Variants in SH3D19 observed in about 807,000 individuals in gnomAD.
SH3D19 encodes SH3 domain-containing protein 19.
In SH3D19, 58 loss-of-function variants were observed where a neutral mutation model predicts 112.1. The observed-to-expected ratio is 0.52, with a 90% confidence interval of 0.42 to 0.64. The LOEUF (loss-of-function observed/expected upper bound fraction) is 0.64, where lower values mean the gene tolerates loss of function less well. SH3D19 is among the 30% of genes least tolerant of loss of function. The pLI is 0.00. For synonymous variants in SH3D19, 391 were observed against 448.5 expected (o/e 0.87, Z 1.62); for missense variants, 1,090 against 1,263.4 (o/e 0.86, Z 2.08).
chr4:151,276,594 C>T (rs1212645637), intron 1 of SH3D19, among the ~76,000 whole-genome samples: 1 of 152,164 alleles, frequency 6.6e-6, no homozygotes, highest in East Asian at 1.9e-4. Context: ...AAACGCATCA[C>T]AGTTCAACTC....
rs140934640 is a variant in SH3D19, at chr4:151,260,166, T to G, written c.113-34080A>C. ...CTGCATAGCAGTGATGTCAGAGCTC[T>G]TAAGGTATCCATCACCCAAATAATG... On this transcript the variant is annotated intron_variant, in intron 1 of 19. Coordinates refer to ENST00000604030, the MANE Select transcript of SH3D19 (RefSeq NM_001378122.1). 4.9e-3 allele frequency among the ~76,000 whole-genome samples: 744 copies of G among 152,372 alleles called. 2 individuals are homozygous for G. Among genetic ancestry groups the G allele is most frequent in the Middle Eastern group, 6.8e-3 (2 of 294 alleles).
At chr4:151,285,535 A>G (rs1774660248) in intron 1 of SH3D19, among the ~76,000 whole-genome samples, 1 of 152,230 alleles carries the variant, frequency 6.6e-6, no homozygotes, top group South Asian at 2.1e-4. Context: ...AAGAAACAAC[A>G]TATCAAATCT....
chr4:151,221,830 T>C (rs960369803), intron 2 of SH3D19, among the ~76,000 whole-genome samples: 5 of 152,318 alleles, frequency 3.3e-5, no homozygotes, highest in Non-Finnish European at 7.3e-5. Flanking sequence ...AATATAACTG[T>C]AAAGACTGGG....
intron 1 of SH3D19, among the ~76,000 whole-genome samples, chr4:151,238,218 TG>T (rs1456167438): frequency 2.8e-4 from 42 of 152,182 alleles, no homozygotes; most frequent in Non-Finnish European, 7.3e-5. Context: ...ATGAATTTTC[TG>T]AGTAGGATGA....
At chr4:151,242,146 C>A (rs1770608478) in intron 1 of SH3D19, among the ~76,000 whole-genome samples, 1 of 151,698 alleles carries the variant, frequency 6.6e-6, no homozygotes, top group Admixed American at 6.6e-5. Context: ...GAGCATACCA[C>A]TGCACTCCAG....
intron 1 of SH3D19, among the ~76,000 whole-genome samples, chr4:151,257,368 G>T (rs934638284): frequency 6.6e-6 from 1 of 152,138 alleles, no homozygotes; most frequent in Non-Finnish European, 1.5e-5. Flanking sequence ...GATTACAGGA[G>T]TGAGTCACCA....
At chr4:151,153,925 C>T (rs7687490) in intron 9 of SH3D19, among the ~76,000 whole-genome samples, 1 of 149,682 alleles carries the variant, frequency 6.7e-6, no homozygotes, top group Non-Finnish European at 1.5e-5. Flanking sequence ...AAGTTGCTTC[C>T]GGACTGCTTA....
intron 14 of SH3D19, among the ~76,000 whole-genome samples, chr4:151,137,318 G>C (rs1205279939): frequency 1.3e-5 from 2 of 151,996 alleles, no homozygotes; most frequent in Non-Finnish European, 2.9e-5. Flanking sequence ...AAAGATGAAA[G>C]AAACTCAAAC....
intron 2 of SH3D19, among the ~76,000 whole-genome samples, chr4:151,201,348 C>T (rs1764364941): frequency 6.6e-6 from 1 of 152,184 alleles, no homozygotes; most frequent in South Asian, 2.1e-4. Flanking sequence ...CCCCTTATTG[C>T]TCCAGCATAA....
chr4:151,164,508 T>G (rs1757656571), intron 8 of SH3D19, among the ~76,000 whole-genome samples: 1 of 152,220 alleles, frequency 6.6e-6, no homozygotes, highest in South Asian at 2.1e-4. Flanking sequence ...AGAATTTCAT[T>G]TGTTATACTA....
intron 1 of SH3D19, among the ~76,000 whole-genome samples, chr4:151,304,330 T>C (rs72967593): frequency 0.07 from 10,617 of 152,182 alleles, 1,148 homozygotes; most frequent in African/African-American, 0.23. Context: ...AAAAACTAGC[T>C]GGATTGTGGT....
chr4:151,281,668 G>GTTAT (rs148514083), intron 1 of SH3D19, among the ~76,000 whole-genome samples: 5,856 of 150,872 alleles, frequency 0.039, 324 homozygotes, highest in African/African-American at 0.13. Flanking sequence ...CAGAGAACTT[G>GTTAT]TTATTTATTT....
At chr4:151,297,206 T>C (rs916338414) in intron 1 of SH3D19, among the ~76,000 whole-genome samples, 10 of 152,240 alleles carry the variant, frequency 6.6e-5, no homozygotes, top group African/African-American at 1.7e-4. Flanking sequence ...ATAAAAAAGA[T>C]AGAAATCTTT....
intron 2 of SH3D19, among the ~76,000 whole-genome samples, chr4:151,190,703 C>T (rs1042098439): frequency 6.6e-6 from 1 of 152,176 alleles, no homozygotes; most frequent in Non-Finnish European, 1.5e-5. Flanking sequence ...TATGGAAACA[C>T]CTGGATGTCC....
chr4:151,278,411 G>A (rs903532442), intron 1 of SH3D19, among the ~76,000 whole-genome samples: 1 of 127,524 alleles, frequency 7.8e-6, no homozygotes, highest in African/African-American at 2.6e-5. Context: ...GGGACTACAG[G>A]TGTGGTTGAA....
chr4:151,174,573 C>T, intron 7 of SH3D19, 97 bp downstream of exon 7: 1 of 1,156,030 alleles, frequency 8.7e-7, no homozygotes, highest in South Asian at 1.9e-5. Context: ...ATACACACAC[C>T]TCAATAACTT....
chr4:151,216,877 C>CTCTGTGTG (rs1767196609), intron 2 of SH3D19, among the ~76,000 whole-genome samples: 2 of 140,766 alleles, frequency 1.4e-5, no homozygotes, highest in African/African-American at 5.2e-5. Context: ...CAAAACAACA[C>CTCTGTGTG]TGTGTGTGTG....
At chr4:151,223,097 G>A (rs1329480348) in intron 2 of SH3D19, among the ~76,000 whole-genome samples, 1 of 148,604 alleles carries the variant, frequency 6.7e-6, no homozygotes, top group Non-Finnish European at 1.5e-5. Flanking sequence ...GATTTAGATG[G>A]TGACCACTAG....
intron 1 of SH3D19, among the ~76,000 whole-genome samples, chr4:151,323,454 A>C (rs1730746307): frequency 6.6e-6 from 1 of 152,216 alleles, no homozygotes; most frequent in Non-Finnish European, 1.5e-5. Context: ...TGTCTGAAAA[A>C]CATGTTAACT....
Sources: gnomAD v4.1 joint callset for allele counts (sites outside exome capture counted in the v4.1 genomes callset) on GRCh38, gnomAD v4.1.1 for gene constraint, MANE v1.5 for transcripts, NCBI Gene and HGNC (gene_info 2026-07-23, HGNC 2026-07-21) for gene names.